Variants in TSHR observed in about 807,000 individuals in gnomAD.
The protein encoded by TSHR is thyroid stimulating hormone receptor.
In TSHR, 51 loss-of-function variants were observed where a neutral mutation model predicts 64.1. The observed-to-expected ratio is 0.80, with a 90% CI of 0.64 to 1.01. TSHR has a LOEUF of 1.01. Among genes scored for constraint, TSHR ranks in the 50% least tolerant of loss-of-function variants. The pLI is 0.00. For missense variants in TSHR, 877 were observed against 942.8 expected (o/e 0.93, Z 0.91); for synonymous variants, 361 against 361.9 (o/e 1.00, Z 0.03).
At chr14:81,002,802 T>C (rs1198008385) in intron 1 of TSHR, among the ~76,000 whole-genome samples, 2 of 31,866 alleles carry the variant, frequency 6.3e-5, no homozygotes, top group African/African-American at 1.2e-4. Flanking sequence ...TTTTTTTTTT[T>C]TTTTTATCTT....
chr14:81,110,377 C>T (rs1374940203), intron 8 of TSHR, among the ~76,000 whole-genome samples: 1 of 152,160 alleles, frequency 6.6e-6, no homozygotes, highest in Non-Finnish European at 1.5e-5. Context: ...CACAGAGAGA[C>T]ACCAGGGATG....
chr14:81,104,201 G>A (rs1889751799), intron 7 of TSHR: 1 of 985,288 alleles, frequency 1.0e-6, no homozygotes, highest in African/African-American at 1.7e-5. Flanking sequence ...TGCTACAAAA[G>A]GATTTCCATA....
At position 81,108,894 on chromosome 14, in the gene TSHR, C is replaced by A. The variant is rs1034082452; in HGVS notation, c.692+442C>A. ...ATAGTTCGACTCGTCTGTGGAAGAACTTACAATCATGGGGAAAGATGGAAT... is the reference window on the plus strand; with the variant it reads ...ATAGTTCGACTCGTCTGTGGAAGAAATTACAATCATGGGGAAAGATGGAAT... On this transcript the variant is annotated intron_variant, in intron 8 of 9. Coordinates refer to ENST00000298171, the MANE Select transcript of TSHR (RefSeq NM_000369.5). 23 of 1,430,898 alleles carry A rather than the reference C, an allele frequency of 1.6e-5. No homozygotes were observed. The African/African-American group carries it at 3.2e-4, about 20-fold the overall frequency. 88.6% of individuals were successfully genotyped at this position (1,430,898 alleles called of 1,614,324 possible).
chr14:81,124,595 T>C (rs1566827021), intron 8 of TSHR, among the ~76,000 whole-genome samples: 1 of 152,174 alleles, frequency 6.6e-6, no homozygotes, highest in Admixed American at 6.5e-5. Flanking sequence ...TATATATGTC[T>C]TTATGTATAC....
In TSHR at chr14:81,069,637, G is replaced by A. The variant is rs149629349; in HGVS notation, c.317+1309G>A. 1.9e-3 allele frequency among the ~76,000 whole-genome samples: 292 copies of A among 152,172 alleles called. 2 individuals carry two copies. The highest frequency in any genetic ancestry group is 0.017 in the Middle Eastern group (5 of 294). ...CTAGGAAAATAAAACTCTGAGTTCC[G>A]GGCTTGCTAAGAAGGATTGTTCCTA... On this transcript the variant is annotated intron_variant, in intron 3 of 9. Coordinates refer to ENST00000298171, the MANE Select transcript of TSHR (RefSeq NM_000369.5).
intron 1 of TSHR, among the ~76,000 whole-genome samples, chr14:80,988,254 T>G (rs1346366302): frequency 6.6e-6 from 1 of 152,088 alleles, no homozygotes; most frequent in Admixed American, 6.5e-5. Context: ...AAAAGAGGTG[T>G]ATTTGGCACA....
intron 3 of TSHR, among the ~76,000 whole-genome samples, chr14:81,081,334 A>G (rs8007948): frequency 0.036 from 5,470 of 152,238 alleles, 309 homozygotes; most frequent in African/African-American, 0.12. Context: ...TCAAATGATG[A>G]GAGTTTTTTT....
intron 1 of TSHR, among the ~76,000 whole-genome samples, chr14:80,977,215 C>A (rs567833729): frequency 6.6e-6 from 1 of 152,158 alleles, no homozygotes; most frequent in Non-Finnish European, 1.5e-5. Context: ...CTGCCTGGGA[C>A]TTTGTAGGTA....
At chr14:81,075,239 G>C (rs186097020) in intron 3 of TSHR, among the ~76,000 whole-genome samples, 2 of 152,142 alleles carry the variant, frequency 1.3e-5, no homozygotes, top group South Asian at 2.1e-4. Flanking sequence ...CACCTTGTTT[G>C]CATCCCTCCC....
chr14:81,108,501 T>TTTTGTTCTTTTTAC (rs1890059652), intron 8 of TSHR, 49 bp downstream of exon 8: 1 of 1,262,564 alleles, frequency 7.9e-7, no homozygotes, highest in Non-Finnish European at 1.1e-6. Flanking sequence ...TTTCTTTTTT[T>TTTTGTTCTTTTTAC]TTTTTTGGAA....
intron 3 of TSHR, among the ~76,000 whole-genome samples, chr14:81,073,452 A>G (rs1237952410): frequency 2.6e-5 from 4 of 152,154 alleles, no homozygotes; most frequent in African/African-American, 9.6e-5. Flanking sequence ...TGGAACATTT[A>G]CTAAAATTGA....
rs1218096819 is a variant in TSHR, at chr14:81,146,233, T to G, written c.*1880T>G. The G allele has an allele frequency of 4.7e-6, 1 of 211,478 alleles. No homozygotes were observed. Among genetic ancestry groups the G allele is most frequent in the Non-Finnish European group, 9.6e-6 (1 of 104,368 alleles). The allele number at this position is 211,478 out of a possible 1,614,324, so 13.1% of individuals were successfully genotyped here. ...GGAAACAGAGTCCTAGAAAAGTGAC[T>G]TCAACAGAATTGTTACTAAAATTTG... On this transcript the variant is annotated 3_prime_UTR_variant, in exon 10 of 10. Coordinates refer to ENST00000298171, the MANE Select transcript of TSHR (RefSeq NM_000369.5).
At chr14:81,081,086 G>A (rs1333084274) in intron 3 of TSHR, among the ~76,000 whole-genome samples, 2 of 152,238 alleles carry the variant, frequency 1.3e-5, no homozygotes, top group East Asian at 3.9e-4. Flanking sequence ...TGAGGTGGGA[G>A]GATTGGTTGA....
At chr14:81,019,045 G>T (rs1883579019) in intron 1 of TSHR, among the ~76,000 whole-genome samples, 1 of 152,144 alleles carries the variant, frequency 6.6e-6, no homozygotes, top group Admixed American at 6.5e-5. Context: ...AAAGGCACAT[G>T]AACATTTTTA....
intron 2 of TSHR, among the ~76,000 whole-genome samples, chr14:81,062,881 G>A (rs1886342467): frequency 6.6e-6 from 1 of 152,060 alleles, no homozygotes; most frequent in South Asian, 2.1e-4. Context: ...TACAGTTTTT[G>A]GCCAAATGTA....
intron 1 of TSHR, among the ~76,000 whole-genome samples, chr14:80,973,512 A>G (rs1226611985): frequency 6.6e-6 from 1 of 151,380 alleles, no homozygotes; most frequent in Non-Finnish European, 1.5e-5. Flanking sequence ...CATCTTGTGA[A>G]GGAGGCTGTT....
At chr14:81,016,698 C>A (rs1883431055) in intron 1 of TSHR, among the ~76,000 whole-genome samples, 1 of 152,100 alleles carries the variant, frequency 6.6e-6, no homozygotes, top group South Asian at 2.1e-4. Context: ...TAATGAGCAG[C>A]TTTTCCCCAT....
At chr14:80,983,483 T>C (rs1888279941) in intron 1 of TSHR, 16 of 1,365,300 alleles carry the variant, frequency 1.2e-5, no homozygotes, top group Non-Finnish European at 1.7e-5. Flanking sequence ...TCTTTAACCA[T>C]AAAGAGGCAA....
intron 1 of TSHR, chr14:80,983,018 A>C (rs1327466047): frequency 3.7e-6 from 2 of 545,494 alleles, no homozygotes; most frequent in Non-Finnish European, 6.7e-6. Flanking sequence ...AAAAGAGCAC[A>C]GATTGCAATG....
Sources: gnomAD v4.1 joint callset for allele counts (sites outside exome capture counted in the v4.1 genomes callset) on GRCh38, gnomAD v4.1.1 for gene constraint, MANE v1.5 for transcripts, NCBI Gene and HGNC (gene_info 2026-07-23, HGNC 2026-07-21) for gene names.